Variants in ARMH4 observed in about 807,000 individuals in gnomAD.
ARMH4 encodes armadillo like helical domain containing 4.
Under a neutral mutation model 61.9 loss-of-function variants are expected in ARMH4, and 49 were observed. That is an observed-to-expected ratio of 0.79 (90% CI 0.63 to 1.00). The LOEUF (loss-of-function observed/expected upper bound fraction) is 1.00. Ranked by LOEUF, ARMH4 falls within the 50% of genes least tolerant of loss-of-function variation. ARMH4 has a pLI of 0.00. For missense variants in ARMH4, 934 were observed against 930.0 expected (o/e 1.00, Z -0.06); for synonymous variants, 368 against 341.5 (o/e 1.08, Z -0.85).
chr14:58,088,601 G>A (rs1210473909), intron 5 of ARMH4, among the ~76,000 whole-genome samples: 1 of 152,138 alleles, frequency 6.6e-6, no homozygotes, highest in Non-Finnish European at 1.5e-5. Context: ...AGGACTCCCA[G>A]GCGTCTGGCA....
chr14:58,050,563 C>A (rs1011232287), intron 5 of ARMH4, among the ~76,000 whole-genome samples: 1 of 152,056 alleles, frequency 6.6e-6, no homozygotes, highest in Non-Finnish European at 1.5e-5. Context: ...AGCAATAGGC[C>A]TGAAGGTAAG....
At chr14:58,016,783 T>A (rs1478531907) in intron 5 of ARMH4, among the ~76,000 whole-genome samples, 1 of 152,154 alleles carries the variant, frequency 6.6e-6, no homozygotes, top group Non-Finnish European at 1.5e-5. Context: ...TAATAAGGCC[T>A]CTGGTCTCCT....
chr14:58,144,987 C>T (rs1887691410), intron 1 of ARMH4, among the ~76,000 whole-genome samples: 1 of 152,158 alleles, frequency 6.6e-6, no homozygotes, highest in Admixed American at 6.5e-5. Context: ...TCTATATAGT[C>T]GAACAGTCAT....
intron 4 of ARMH4, among the ~76,000 whole-genome samples, chr14:58,103,557 C>T (rs1255230270): frequency 6.6e-6 from 1 of 151,668 alleles, no homozygotes; most frequent in East Asian, 1.9e-4. Flanking sequence ...ACTTTGTGGA[C>T]CTTCCTCCTA....
At position 58,086,189 on chromosome 14, in the gene ARMH4, C is replaced by T. The variant is rs144006138; in HGVS notation, c.2089+10535G>A. On this transcript the variant is annotated intron_variant, in intron 5 of 7. Transcript: ENST00000267485. ...GCCATCTGATTTTCCTCTGATTCAG[C>T]GGCTAAGCTGATCAATGTAATTGAC... Among the ~76,000 whole-genome samples the T allele has an allele frequency of 7.5e-3, 1,140 of 152,266 alleles. 10 individuals are homozygous for T. Among genetic ancestry groups the T allele is most frequent in the Non-Finnish European group, 0.011 (735 of 68,010 alleles).
intron 5 of ARMH4, among the ~76,000 whole-genome samples, chr14:58,055,681 C>A (rs1479957261): frequency 6.6e-6 from 1 of 152,190 alleles, no homozygotes; most frequent in African/African-American, 2.4e-5. Context: ...CCACCCTACA[C>A]CTCCTGAATC....
chr14:58,131,734 A>G lies in ARMH4; in HGVS notation c.1622-13T>C. On this transcript the variant is annotated splice_polypyrimidine_tract_variant and intron_variant, in intron 3 of 7. Coordinates refer to ENST00000267485, the MANE Select transcript of ARMH4 (RefSeq NM_001001872.4). ...GTGTCCATTTGTTCTGCCAAACACA[A>G]CAGACAGGACTTGACCCACAAGATA... 6.2e-7 allele frequency: 1 copy of G among 1,609,680 alleles called. No homozygotes were observed. Among genetic ancestry groups the G allele is most frequent in the Non-Finnish European group, 8.5e-7 (1 of 1,177,700 alleles).
intron 5 of ARMH4, among the ~76,000 whole-genome samples, chr14:58,041,978 C>T (rs920947444): frequency 6.6e-6 from 1 of 152,030 alleles, no homozygotes; most frequent in Non-Finnish European, 1.5e-5. Flanking sequence ...GAGACTTAGA[C>T]TCCCACACAA....
At chr14:58,109,694 A>C (rs1368375850) in intron 4 of ARMH4, among the ~76,000 whole-genome samples, 1 of 152,234 alleles carries the variant, frequency 6.6e-6, no homozygotes, top group East Asian at 1.9e-4. Flanking sequence ...CAATGTAAAA[A>C]TAAAATAATG....
intron 4 of ARMH4, among the ~76,000 whole-genome samples, chr14:58,121,837 C>A (rs1387355684): frequency 6.6e-6 from 1 of 152,202 alleles, no homozygotes; most frequent in African/African-American, 2.4e-5. Flanking sequence ...GAACCTCATC[C>A]TTCCCTAACA....
chr14:58,049,710 A>T (rs541201510), intron 5 of ARMH4, among the ~76,000 whole-genome samples: 1 of 152,280 alleles, frequency 6.6e-6, no homozygotes, highest in African/African-American at 2.4e-5. Flanking sequence ...TCACAAAAAA[A>T]AATAAAATAA....
At chr14:58,077,910 C>T (rs1660636452) in intron 5 of ARMH4, among the ~76,000 whole-genome samples, 1 of 152,172 alleles carries the variant, frequency 6.6e-6, no homozygotes, top group Admixed American at 6.5e-5. Flanking sequence ...GCTGTACTAT[C>T]AGAATAGAAA....
chr14:58,131,782 T>A, intron 3 of ARMH4, 61 bp from the exon 4 acceptor site: 1 of 1,503,190 alleles, frequency 6.7e-7, no homozygotes, highest in Non-Finnish European at 9.2e-7. Flanking sequence ...AATGTAAGCA[T>A]GTGCTTTCAC....
chr14:58,144,649 C>T (rs866978401), intron 1 of ARMH4, among the ~76,000 whole-genome samples: 5 of 152,152 alleles, frequency 3.3e-5, no homozygotes, highest in Admixed American at 6.5e-5. Flanking sequence ...GGGTGGATCA[C>T]GAGGCCAGGA....
chr14:58,132,618 G>A (rs1490352107), intron 3 of ARMH4, among the ~76,000 whole-genome samples: 8 of 128,004 alleles, frequency 6.2e-5, no homozygotes, highest in Admixed American at 4.7e-4. Context: ...ACGGAGTCTC[G>A]CTCTGTCACC....
intron 5 of ARMH4, among the ~76,000 whole-genome samples, chr14:58,015,270 G>A (rs1400894446): frequency 1.3e-5 from 2 of 152,206 alleles, no homozygotes; most frequent in Admixed American, 1.3e-4. Context: ...ATCTGAAGGA[G>A]CATGTTCCAT....
At chr14:58,077,096 G>A (rs1053833628) in intron 5 of ARMH4, among the ~76,000 whole-genome samples, 5 of 152,170 alleles carry the variant, frequency 3.3e-5, no homozygotes, top group Admixed American at 6.5e-5. Context: ...AGGGGGTCAT[G>A]GATGCTAGGT....
chr14:58,107,892 G>C (rs1191385271), intron 4 of ARMH4, among the ~76,000 whole-genome samples: 2 of 152,092 alleles, frequency 1.3e-5, no homozygotes, highest in African/African-American at 2.4e-5. Context: ...CCCATGAAGG[G>C]AATGGCTCTG....
At chr14:58,044,434 C>G (rs999914501) in intron 5 of ARMH4, among the ~76,000 whole-genome samples, 1 of 152,170 alleles carries the variant, frequency 6.6e-6, no homozygotes, top group African/African-American at 2.4e-5. Flanking sequence ...GAAACTGGAT[C>G]CATTCCTTAC....
Sources: allele counts gnomAD v4.1 joint callset (sites outside exome capture counted in the v4.1 genomes callset), GRCh38; gene constraint gnomAD v4.1.1; transcripts MANE v1.5; gene names NCBI Gene and HGNC (gene_info 2026-07-23, HGNC 2026-07-21).